The following SUGCT variants were observed in gnomAD, a reference collection of about 807,000 sequenced individuals.
SUGCT encodes the protein succinyl-CoA:glutarate-CoA transferase.
Under a neutral mutation model 55.0 loss-of-function variants are expected in SUGCT, and 41 were observed. That is an observed-to-expected ratio of 0.74 (90% CI 0.58 to 0.97). The LOEUF (loss-of-function observed/expected upper bound fraction) is 0.97, where lower values mean the gene tolerates loss of function less well. Ranked by LOEUF, SUGCT falls within the 50% of genes least tolerant of loss-of-function variation. The pLI, the probability that SUGCT is intolerant of heterozygous loss-of-function variation, is 0.00. For synonymous variants in SUGCT, 187 were observed against 200.4 expected (o/e 0.93, Z 0.56); for missense variants, 568 against 547.8 (o/e 1.04, Z -0.37).
At chr7:40,854,419 C>CTCTTTCTTTCTTTCTTT (rs200586474) in intron 13 of SUGCT, among the ~76,000 whole-genome samples, 6 of 88,804 alleles carry the variant, frequency 6.8e-5, no homozygotes, top group African/African-American at 2.8e-4. Context: ...TTCTTTCTTT[C>CTCTTTCTTTCTTTCTTT]CTTTCTTTCT....
At chr7:40,204,596 C>T (rs1350829078) in intron 6 of SUGCT, among the ~76,000 whole-genome samples, 1 of 151,962 alleles carries the variant, frequency 6.6e-6, no homozygotes. Flanking sequence ...GCCACTGCAT[C>T]CGGCCTGGGA....
intron 13 of SUGCT, among the ~76,000 whole-genome samples, chr7:40,776,172 G>C (rs764248966): frequency 2.6e-5 from 4 of 152,160 alleles, no homozygotes; most frequent in Admixed American, 6.5e-5. Flanking sequence ...CTCCAAATCA[G>C]CTCTTCTATT....
chr7:40,643,430 CG>C, intron 12 of SUGCT, among the ~76,000 whole-genome samples: 1 of 152,192 alleles, frequency 6.6e-6, no homozygotes, highest in African/African-American at 2.4e-5. Flanking sequence ...TGTGAAGTGC[CG>C]GGTTCCTCTG....
chr7:40,901,511 A>G, the SUGCT span, among the ~76,000 whole-genome samples: 5 of 133,008 alleles, frequency 3.8e-5, no homozygotes, highest in Non-Finnish European at 8.7e-5. Flanking sequence ...GTGTGCATCC[A>G]ATAAGAAGGT....
intron 12 of SUGCT, among the ~76,000 whole-genome samples, chr7:40,642,903 T>C (rs1421516670): frequency 6.6e-6 from 1 of 152,072 alleles, no homozygotes; most frequent in Non-Finnish European, 1.5e-5. Flanking sequence ...TTGTGACAAA[T>C]GGTTGTTTTT....
the SUGCT span, among the ~76,000 whole-genome samples, chr7:40,898,073 G>A: frequency 4.6e-5 from 7 of 152,068 alleles, no homozygotes; most frequent in Non-Finnish European, 1.0e-4. Flanking sequence ...TTGGGTCCAC[G>A]CTGTCTTTAT....
chr7:40,296,016 A>C (rs1182317324), intron 8 of SUGCT, among the ~76,000 whole-genome samples: 1 of 152,206 alleles, frequency 6.6e-6, no homozygotes, highest in African/African-American at 2.4e-5. Flanking sequence ...CACTAATTGA[A>C]AAGTCATGTT....
the SUGCT span, among the ~76,000 whole-genome samples, chr7:40,901,393 C>T: frequency 6.6e-6 from 1 of 152,180 alleles, no homozygotes; most frequent in South Asian, 2.1e-4. Flanking sequence ...GGGAATTTCC[C>T]GGGAGCCTGG....
intron 13 of SUGCT, among the ~76,000 whole-genome samples, chr7:40,821,577 G>A (rs754046115): frequency 1.3e-5 from 2 of 152,134 alleles, no homozygotes; most frequent in Non-Finnish European, 2.9e-5. Flanking sequence ...ATTCTTTGAT[G>A]GTAATTTGTA....
chr7:40,549,715 A>T (rs932604335), intron 12 of SUGCT, among the ~76,000 whole-genome samples: 3 of 152,212 alleles, frequency 2.0e-5, no homozygotes, highest in Non-Finnish European at 2.9e-5. Flanking sequence ...TGTGGAAAGC[A>T]GGTTATAAGT....
intron 11 of SUGCT, among the ~76,000 whole-genome samples, chr7:40,471,099 T>C (rs1045291679): frequency 1.3e-5 from 2 of 152,066 alleles, no homozygotes; most frequent in African/African-American, 4.8e-5. Flanking sequence ...AAAATAGGAG[T>C]AATTGTTGGT....
At chr7:40,659,602 T>A (rs1215285141) in intron 12 of SUGCT, among the ~76,000 whole-genome samples, 1 of 152,202 alleles carries the variant, frequency 6.6e-6, no homozygotes, top group Non-Finnish European at 1.5e-5. Flanking sequence ...TACACAGATA[T>A]ATGAATACCA....
the SUGCT span, among the ~76,000 whole-genome samples, chr7:40,933,993 G>A: frequency 4.5e-4 from 68 of 152,232 alleles, 4 homozygotes; most frequent in South Asian, 1.0e-2. Context: ...CAGGAGCTGC[G>A]ATCCTTTGGA....
rs1319760709 is a variant in SUGCT at position 40,310,088 on chromosome 7, A to AG, written c.721-6667dup. Among the ~76,000 whole-genome samples, 5 of 152,182 alleles carry AG rather than the reference A, an allele frequency of 3.3e-5. 1 individual carries two copies. The highest frequency in any genetic ancestry group is 4.8e-5 in the African/African-American group (2 of 41,460). ...TTCTTCCAAAGAGTACTGTATGGAA[A>AG]GGGGGAGGAAAAAAGAGTAATCTTA... On this transcript the variant is annotated intron_variant, in intron 8 of 13. Transcript: ENST00000335693.
intron 12 of SUGCT, among the ~76,000 whole-genome samples, chr7:40,508,875 T>G (rs1426403037): frequency 6.6e-6 from 1 of 152,196 alleles, no homozygotes; most frequent in Non-Finnish European, 1.5e-5. Context: ...AGCTTGGTGC[T>G]TATTCTCTTT....
chr7:40,812,988 A>C (rs1791498161), intron 13 of SUGCT, among the ~76,000 whole-genome samples: 1 of 152,178 alleles, frequency 6.6e-6, no homozygotes, highest in South Asian at 2.1e-4. Flanking sequence ...GAAGTCATTC[A>C]GGGGCAAGTT....
intron 11 of SUGCT, among the ~76,000 whole-genome samples, chr7:40,489,665 G>T (rs866328928): frequency 6.6e-6 from 1 of 152,246 alleles, no homozygotes; most frequent in Middle Eastern, 3.4e-3. Context: ...TGGTGACAGA[G>T]CGAGACTCTG....
chr7:40,241,751 C>G (rs949661017), intron 7 of SUGCT, among the ~76,000 whole-genome samples: 1 of 151,790 alleles, frequency 6.6e-6, no homozygotes, highest in Non-Finnish European at 1.5e-5. Context: ...GAAACCCCGT[C>G]TCTACTAAAA....
chr7:40,460,777 CCTT>C (rs1409543472), intron 11 of SUGCT, among the ~76,000 whole-genome samples: 1 of 152,166 alleles, frequency 6.6e-6, no homozygotes, highest in African/African-American at 2.4e-5. Flanking sequence ...TAATCTGCAA[CCTT>C]CTTCTTTCTG....
Sources: allele counts gnomAD v4.1 joint callset (sites outside exome capture counted in the v4.1 genomes callset), GRCh38; gene constraint gnomAD v4.1.1; transcripts MANE v1.5; gene names NCBI Gene and HGNC (gene_info 2026-07-23, HGNC 2026-07-21).